Variants in CPNE4 observed in about 807,000 individuals in gnomAD.
CPNE4 encodes copine 4.
CPNE4 carries 25 observed loss-of-function variants against 67.9 expected under a neutral mutation model. That is an observed-to-expected ratio of 0.37 (90% confidence interval 0.27 to 0.51). The LOEUF (loss-of-function observed/expected upper bound fraction) is 0.51, where lower values mean the gene tolerates loss of function less well. CPNE4 is among the 20% of genes least tolerant of loss of function. The pLI, the probability that CPNE4 is intolerant of heterozygous loss-of-function variation, is 0.93. For missense variants in CPNE4, 464 were observed against 690.8 expected (o/e 0.67, Z 3.68); for synonymous variants, 242 against 244.9 (o/e 0.99, Z 0.11).
intron 2 of CPNE4, among the ~76,000 whole-genome samples, chr3:131,882,897 T>G (rs965444021): frequency 2.0e-5 from 3 of 152,018 alleles, no homozygotes; most frequent in Admixed American, 2.0e-4. Context: ...TTTTGTATTT[T>G]TAATAGAGAT....
At chr3:131,714,233 C>T (rs995540) in intron 3 of CPNE4, among the ~76,000 whole-genome samples, 65,289 of 151,924 alleles carry the variant, frequency 0.43, 14,249 homozygotes, top group South Asian at 0.52. Flanking sequence ...CAACCTGGCT[C>T]ATCCCGACAC....
chr3:131,901,506 A>T (rs1025099902), intron 2 of CPNE4, among the ~76,000 whole-genome samples: 6 of 152,088 alleles, frequency 3.9e-5, no homozygotes, highest in African/African-American at 1.2e-4. Context: ...TGTCAATAAA[A>T]ATCATGGCCA....
chr3:131,772,906 C>A (rs751105607), intron 2 of CPNE4, among the ~76,000 whole-genome samples: 7 of 152,120 alleles, frequency 4.6e-5, no homozygotes, highest in African/African-American at 1.7e-4. Context: ...TTAACAGACA[C>A]CCATGGGAGA....
intron 2 of CPNE4, among the ~76,000 whole-genome samples, chr3:131,897,856 C>T (rs2088396350): frequency 6.6e-6 from 1 of 151,670 alleles, no homozygotes; most frequent in Non-Finnish European, 1.5e-5. Flanking sequence ...TGCACCACTG[C>T]ACTCCAACCT....
intron 1 of CPNE4, among the ~76,000 whole-genome samples, chr3:131,917,114 A>C (rs112368477): frequency 1.8e-4 from 28 of 152,304 alleles, no homozygotes; most frequent in Non-Finnish European, 3.5e-4. Context: ...ATCCACATGC[A>C]TGGAGGAGTG....
chr3:131,770,231 T>C (rs1324557488), intron 2 of CPNE4, among the ~76,000 whole-genome samples: 1 of 152,186 alleles, frequency 6.6e-6, no homozygotes, highest in African/African-American at 2.4e-5. Context: ...CTTTTCCTGT[T>C]GTCCTGGAAT....
At chr3:131,973,128 C>G (rs533876484) in intron 1 of CPNE4, among the ~76,000 whole-genome samples, 9 of 152,072 alleles carry the variant, frequency 5.9e-5, no homozygotes, top group Non-Finnish European at 1.3e-4. Context: ...GTGTGGTGAC[C>G]TGGAAAAAAG....
At chr3:131,807,660 C>T (rs1328354719) in intron 2 of CPNE4, among the ~76,000 whole-genome samples, 1 of 152,066 alleles carries the variant, frequency 6.6e-6, no homozygotes, top group African/African-American at 2.4e-5. Flanking sequence ...TCAGTTAGGC[C>T]TAATTATCCT....
chr3:131,971,787 C>T (rs2072510896), intron 1 of CPNE4, among the ~76,000 whole-genome samples: 1 of 152,178 alleles, frequency 6.6e-6, no homozygotes, highest in African/African-American at 2.4e-5. Flanking sequence ...TTCCAAGTCA[C>T]TGTAGTTGAT....
intron 2 of CPNE4, among the ~76,000 whole-genome samples, chr3:131,891,248 G>GT (rs912926891): frequency 1.3e-4 from 19 of 151,856 alleles, no homozygotes; most frequent in South Asian, 2.1e-4. Context: ...ATTTTATGAA[G>GT]TTTTTTTTAT....
intron 2 of CPNE4, among the ~76,000 whole-genome samples, chr3:131,741,971 T>C (rs1376183309): frequency 2.6e-5 from 4 of 152,188 alleles, no homozygotes. Context: ...TTTTTCACAT[T>C]GTCTTTGTCA....
At chr3:131,777,534 A>C (rs924217495) in intron 2 of CPNE4, among the ~76,000 whole-genome samples, 1 of 149,222 alleles carries the variant, frequency 6.7e-6, no homozygotes, top group Non-Finnish European at 1.5e-5. Flanking sequence ...ACATTGGAGA[A>C]AGAAGCTCAG....
At chr3:131,650,055 A>G (rs1272507544) in intron 7 of CPNE4, among the ~76,000 whole-genome samples, 1 of 152,082 alleles carries the variant, frequency 6.6e-6, no homozygotes, top group East Asian at 1.9e-4. Flanking sequence ...TAGAAGACAG[A>G]CGCTGAGAGA....
At chr3:131,872,497 C>G (rs973907283) in intron 2 of CPNE4, among the ~76,000 whole-genome samples, 7 of 152,172 alleles carry the variant, frequency 4.6e-5, no homozygotes, top group African/African-American at 1.7e-4. Flanking sequence ...GTTTGTTCTA[C>G]TCAGAACTTC....
chr3:131,543,208 A>G (rs1935621636), intron 14 of CPNE4: 1 of 162,238 alleles, frequency 6.2e-6, no homozygotes, highest in Non-Finnish European at 1.4e-5. Context: ...ATCTAAAGCT[A>G]TGACATCCAA....
At position 131,801,338 on chromosome 3, in the gene CPNE4, T is replaced by TATATATATATATGTACC. The variant is rs199821674; in HGVS notation, c.181-77730_181-77714dup. On this transcript the variant is annotated intron_variant, in intron 2 of 15. Transcript: ENST00000429747. The stretch of plus-strand genomic sequence containing the variant: ...CTGTCTAGTCACTGGAAACCATACA[T>TATATATATATATGTACC]ATATATATATATGTACCATATATAT... Among the ~76,000 whole-genome samples the TATATATATATATGTACC allele has an allele frequency of 4.2e-3, 512 of 121,024 alleles. 8 individuals carry two copies. The highest frequency in any genetic ancestry group is 0.015 in the African/African-American group (474 of 31,894). The allele number at this position is 121,024 out of a possible 152,430, so 79.4% of individuals were successfully genotyped here. A position where few individuals can be genotyped will look rare whatever the true frequency, so the allele number is the denominator to read the frequency against.
At chr3:131,610,919 CA>C (rs1451223157) in intron 7 of CPNE4, among the ~76,000 whole-genome samples, 4 of 152,114 alleles carry the variant, frequency 2.6e-5, no homozygotes, top group African/African-American at 9.7e-5. Context: ...CAGGACAATT[CA>C]AAGGCTCCTC....
intron 2 of CPNE4, among the ~76,000 whole-genome samples, chr3:131,743,299 G>A (rs2082399652): frequency 6.6e-6 from 1 of 152,160 alleles, no homozygotes; most frequent in African/African-American, 2.4e-5. Context: ...ATTGAAAAGG[G>A]CACTAGGACC....
intron 7 of CPNE4, among the ~76,000 whole-genome samples, chr3:131,665,901 C>G (rs2080247731): frequency 1.3e-5 from 2 of 152,002 alleles, no homozygotes; most frequent in South Asian, 4.2e-4. Context: ...ATGCCATATT[C>G]TAGGATAGGA....
Sources: gnomAD v4.1 joint callset for allele counts (sites outside exome capture counted in the v4.1 genomes callset) on GRCh38, gnomAD v4.1.1 for gene constraint, MANE v1.5 for transcripts, NCBI Gene and HGNC (gene_info 2026-07-23, HGNC 2026-07-21) for gene names.